LRRC4C: variants seen among roughly 807,000 people sequenced by gnomAD.
The protein encoded by LRRC4C is leucine rich repeat containing 4C.
LRRC4C carries 5 observed loss-of-function variants against 33.6 expected under a neutral mutation model. That is an observed-to-expected ratio of 0.15 (90% CI 0.08 to 0.31). The LOEUF is 0.31. Among genes scored for constraint, LRRC4C ranks in the 10% least tolerant of loss-of-function variants. The probability of loss-of-function intolerance (pLI) is 1.00; values close to 1 mark genes in which losing one functional copy is unlikely to be tolerated. For missense variants in LRRC4C, 560 were observed against 796.7 expected (o/e 0.70, Z 3.58); for synonymous variants, 329 against 302.0 (o/e 1.09, Z -0.93).
chr11:40,424,300 A>G (rs138008074), intron 3 of LRRC4C, among the ~76,000 whole-genome samples: 43 of 152,300 alleles, frequency 2.8e-4, no homozygotes, highest in Admixed American at 7.8e-4. Context: ...GAAACTCCAA[A>G]TTGAAGAGGA....
chr11:41,225,927 G>A (rs1316477109), intron 1 of LRRC4C, among the ~76,000 whole-genome samples: 18 of 152,038 alleles, frequency 1.2e-4, no homozygotes, highest in Admixed American at 1.2e-3. Flanking sequence ...ACCTCAACAG[G>A]ACATAGCTCA....
At chr11:40,587,749 T>C (rs1176449893) in intron 3 of LRRC4C, among the ~76,000 whole-genome samples, 1 of 152,034 alleles carries the variant, frequency 6.6e-6, no homozygotes, top group Non-Finnish European at 1.5e-5. Flanking sequence ...GGTTTTTGTC[T>C]TTGGCTCTGT....
intron 2 of LRRC4C, among the ~76,000 whole-genome samples, chr11:40,876,825 C>T (rs1954916549): frequency 6.7e-6 from 1 of 149,318 alleles, no homozygotes; most frequent in East Asian, 2.0e-4. Context: ...ATTGCTTGAA[C>T]CTAGGAGGTG....
At chr11:40,798,551 C>T (rs1248290270) in intron 2 of LRRC4C, among the ~76,000 whole-genome samples, 4 of 151,822 alleles carry the variant, frequency 2.6e-5, no homozygotes, top group Non-Finnish European at 2.9e-5. Flanking sequence ...GTAATAAAAT[C>T]AATAACAATA....
At chr11:40,634,007 A>T (rs76729503) in intron 3 of LRRC4C, among the ~76,000 whole-genome samples, 5,902 of 152,298 alleles carry the variant, frequency 0.039, 380 homozygotes, top group African/African-American at 0.13. Flanking sequence ...CTCTTAATTA[A>T]GTATAAAATA....
intron 5 of LRRC4C, among the ~76,000 whole-genome samples, chr11:40,196,376 C>T (rs983552792): frequency 6.6e-6 from 1 of 152,188 alleles, no homozygotes; most frequent in Non-Finnish European, 1.5e-5. Flanking sequence ...CAGCCAGAAC[C>T]ATTCTGGACT....
chr11:41,226,266 G>T (rs947842971), intron 1 of LRRC4C, among the ~76,000 whole-genome samples: 1 of 151,974 alleles, frequency 6.6e-6, no homozygotes, highest in African/African-American at 2.4e-5. Context: ...ATCGTTCATA[G>T]AAAAAATCTC....
At chr11:41,138,333 A>G (rs1943354323) in intron 1 of LRRC4C, among the ~76,000 whole-genome samples, 1 of 152,206 alleles carries the variant, frequency 6.6e-6, no homozygotes, top group Admixed American at 6.5e-5. Context: ...TGGAAAAAAC[A>G]AGATTGGTGA....
rs188536346 is a variant in LRRC4C at position 40,651,221 on chromosome 11, C to T, written c.-406-2943G>A. On this transcript the variant is annotated intron_variant, in intron 2 of 6. Coordinates refer to ENST00000528697, the MANE Select transcript of LRRC4C (RefSeq NM_001258419.2). ...AGACTTAGTTTTGATCAGTGTCATT[C>T]TGTTTTATTAGAGGAATATTTAGGA... 2.0e-3 allele frequency among the ~76,000 whole-genome samples: 297 copies of T among 152,200 alleles called. 2 individuals carry two copies. The highest frequency in any genetic ancestry group is 0.01 in the Middle Eastern group (3 of 294).
At chr11:40,941,852 A>G (rs991066132) in intron 1 of LRRC4C, among the ~76,000 whole-genome samples, 1 of 152,176 alleles carries the variant, frequency 6.6e-6, no homozygotes, top group Non-Finnish European at 1.5e-5. Flanking sequence ...GAAGGGGATA[A>G]GAAAATAATG....
intron 1 of LRRC4C, among the ~76,000 whole-genome samples, chr11:41,234,206 CTT>C (rs1947924101): frequency 6.6e-6 from 1 of 151,874 alleles, no homozygotes; most frequent in East Asian, 1.9e-4. Context: ...TGCTAAAGAA[CTT>C]TAATTTTTAG....
chr11:40,510,917 A>T (rs765059158), intron 3 of LRRC4C, among the ~76,000 whole-genome samples: 6 of 152,140 alleles, frequency 3.9e-5, no homozygotes, highest in Non-Finnish European at 8.8e-5. Flanking sequence ...AAAAAAACTG[A>T]TACTTGCTAG....
intron 4 of LRRC4C, among the ~76,000 whole-genome samples, chr11:40,301,944 C>A (rs949095447): frequency 1.3e-5 from 2 of 152,030 alleles, no homozygotes; most frequent in African/African-American, 2.4e-5. Context: ...AATGGAGACA[C>A]CTTTATCACC....
chr11:40,671,849 A>G (rs936452514), intron 2 of LRRC4C, among the ~76,000 whole-genome samples: 10 of 152,062 alleles, frequency 6.6e-5, no homozygotes, highest in African/African-American at 2.2e-4. Context: ...TTCTAAGTAC[A>G]TTCATTGTAC....
chr11:41,007,076 C>G (rs995034607), intron 1 of LRRC4C, among the ~76,000 whole-genome samples: 9 of 152,050 alleles, frequency 5.9e-5, no homozygotes, highest in Non-Finnish European at 1.2e-4. Flanking sequence ...GAATAGATGA[C>G]TATGATCACA....
intron 5 of LRRC4C, among the ~76,000 whole-genome samples, chr11:40,191,772 G>A (rs1258162358): frequency 6.6e-6 from 1 of 151,966 alleles, no homozygotes; most frequent in Non-Finnish European, 1.5e-5. Context: ...ACCAGCCTGG[G>A]CAACATAGTG....
chr11:41,288,616 G>T (rs1363456018), intron 1 of LRRC4C, among the ~76,000 whole-genome samples: 1 of 152,110 alleles, frequency 6.6e-6, no homozygotes, highest in Non-Finnish European at 1.5e-5. Context: ...CCATAAATAA[G>T]ATTTTATCTT....
chr11:41,417,253 G>A (rs944747843), intron 1 of LRRC4C, among the ~76,000 whole-genome samples: 2 of 152,094 alleles, frequency 1.3e-5, no homozygotes, highest in Admixed American at 6.6e-5. Context: ...AATTATGACT[G>A]CAGGATACTA....
At chr11:41,344,538 C>T (rs143842291) in intron 1 of LRRC4C, among the ~76,000 whole-genome samples, 4 of 152,186 alleles carry the variant, frequency 2.6e-5, no homozygotes, top group Non-Finnish European at 5.9e-5. Context: ...TCTATCTTAA[C>T]TCATCAATGT....
Sources: gnomAD v4.1 joint callset for allele counts (sites outside exome capture counted in the v4.1 genomes callset) on GRCh38, gnomAD v4.1.1 for gene constraint, MANE v1.5 for transcripts, NCBI Gene and HGNC (gene_info 2026-07-23, HGNC 2026-07-21) for gene names.